Variants in GRIK2 observed in about 807,000 individuals in gnomAD.
The protein encoded by GRIK2 is glutamate ionotropic receptor kainate type subunit 2.
Under a neutral mutation model 100.3 loss-of-function variants are expected in GRIK2, and 32 were observed. That is an observed-to-expected ratio of 0.32 (90% CI 0.24 to 0.43). The LOEUF is 0.43. Among genes scored for constraint, GRIK2 ranks in the 20% least tolerant of loss-of-function variants. The pLI is 1.00. For synonymous variants in GRIK2, 417 were observed against 389.4 expected (o/e 1.07, Z -0.83); for missense variants, 843 against 1,114.9 (o/e 0.76, Z 3.47).
Position 101,909,284 on chromosome 6 carries a change from A to G in GRIK2, c.1749-15317A>G, listed in dbSNP as rs181271202. Among the ~76,000 whole-genome samples, 608 of 150,788 alleles carry G rather than the reference A, an allele frequency of 4.0e-3. 5 individuals carry two copies. Among genetic ancestry groups the G allele is most frequent in the Non-Finnish European group, 5.2e-3 (351 of 67,286 alleles). On this transcript the variant is annotated intron_variant, in intron 12 of 16. Transcript: ENST00000369134. ...GTTATAATGTCCTATAAATCTCTATAAATAGGAACAGGAAGGAATAATTTA... is the reference window on the plus strand; with the variant it reads ...GTTATAATGTCCTATAAATCTCTATGAATAGGAACAGGAAGGAATAATTTA...
chr6:101,775,630 G>T (rs1275373602), intron 7 of GRIK2, among the ~76,000 whole-genome samples: 1 of 151,068 alleles, frequency 6.6e-6, no homozygotes, highest in Admixed American at 6.6e-5. Flanking sequence ...CAAGACAGAG[G>T]CTGTACTCAC....
chr6:101,928,076 A>T (rs1232406957), intron 13 of GRIK2: 2 of 230,360 alleles, frequency 8.7e-6, no homozygotes, highest in African/African-American at 4.6e-5. Context: ...AAAACAATAA[A>T]TGTGGTTTAT....
intron 16 of GRIK2, among the ~76,000 whole-genome samples, chr6:102,067,529 ATATGACTC>A (rs1772077290): frequency 6.6e-6 from 1 of 151,786 alleles, no homozygotes; most frequent in African/African-American, 2.4e-5. Context: ...TGTTTCATAT[ATATGACTC>A]TACAATATAA....
intron 4 of GRIK2, among the ~76,000 whole-genome samples, chr6:101,645,997 T>C (rs1332494896): frequency 1.3e-5 from 2 of 151,940 alleles, no homozygotes; most frequent in African/African-American, 4.8e-5. Flanking sequence ...GACAACATTT[T>C]ATATTTCTGC....
intron 4 of GRIK2, 28 bp from the exon 5 acceptor site, chr6:101,676,595 C>CTT (rs2243351): frequency 2.7e-4 from 288 of 1,050,868 alleles, no homozygotes; most frequent in Non-Finnish European, 3.2e-4. Context: ...CTCTAATATT[C>CTT]TTTTTTTTTT....
chr6:101,505,788 A>AAG (rs898449494), intron 2 of GRIK2, among the ~76,000 whole-genome samples: 3 of 151,744 alleles, frequency 2.0e-5, no homozygotes, highest in African/African-American at 7.3e-5. Context: ...AAAAAAAAAA[A>AAG]AAAACTAGAA....
At chr6:101,909,603 A>T (rs1029726616) in intron 12 of GRIK2, among the ~76,000 whole-genome samples, 2 of 150,686 alleles carry the variant, frequency 1.3e-5, no homozygotes, top group African/African-American at 4.9e-5. Context: ...TTGGCTTTGG[A>T]TAAGTAAAGC....
At chr6:101,522,096 T>C (rs959758470) in intron 2 of GRIK2, among the ~76,000 whole-genome samples, 1 of 152,126 alleles carries the variant, frequency 6.6e-6, no homozygotes, top group Admixed American at 6.6e-5. Flanking sequence ...GTTATCAAAA[T>C]TTTAGGGCTA....
At chr6:101,617,565 A>G (rs940218184) in intron 2 of GRIK2, among the ~76,000 whole-genome samples, 1 of 151,820 alleles carries the variant, frequency 6.6e-6, no homozygotes, top group Non-Finnish European at 1.5e-5. Flanking sequence ...TTTCAGTGGT[A>G]GAAGATTCAG....
intron 2 of GRIK2, among the ~76,000 whole-genome samples, chr6:101,466,798 A>C (rs1010738338): frequency 5.3e-5 from 8 of 152,174 alleles, no homozygotes; most frequent in African/African-American, 1.9e-4. Context: ...TTTTAGCAGG[A>C]AACTCCTGCA....
chr6:101,712,945 A>G (rs1335319002), intron 7 of GRIK2, among the ~76,000 whole-genome samples: 3 of 151,846 alleles, frequency 2.0e-5, no homozygotes, highest in East Asian at 1.9e-4. Flanking sequence ...GGTTAGGCCT[A>G]TCTCCCTACC....
At chr6:101,568,032 A>G (rs777988635) in intron 2 of GRIK2, among the ~76,000 whole-genome samples, 2 of 151,974 alleles carry the variant, frequency 1.3e-5, no homozygotes, top group Non-Finnish European at 1.5e-5. Context: ...GATCTTATTA[A>G]CTTTGTAAAA....
At chr6:101,557,060 T>C in intron 2 of GRIK2, among the ~76,000 whole-genome samples, 1 of 152,182 alleles carries the variant, frequency 6.6e-6, no homozygotes, top group Admixed American at 6.5e-5. Context: ...TCTCTATATA[T>C]TTAACCCACA....
intron 2 of GRIK2, among the ~76,000 whole-genome samples, chr6:101,534,625 T>A (rs981355104): frequency 1.3e-5 from 2 of 151,824 alleles, no homozygotes; most frequent in Non-Finnish European, 2.9e-5. Context: ...AGGGCTATTT[T>A]TAACAAAGTT....
chr6:101,936,925 A>G (rs1272621808), intron 14 of GRIK2, among the ~76,000 whole-genome samples: 2 of 152,130 alleles, frequency 1.3e-5, no homozygotes, highest in African/African-American at 4.8e-5. Context: ...TGCCAGAGTG[A>G]ATTCAATGGT....
At chr6:101,743,190 T>A (rs945476594) in intron 7 of GRIK2, among the ~76,000 whole-genome samples, 7 of 152,174 alleles carry the variant, frequency 4.6e-5, no homozygotes, top group African/African-American at 1.7e-4. Context: ...CCAGCTTGCA[T>A]TGGACAAGAG....
intron 16 of GRIK2, chr6:102,064,198 CA>C (rs1056760913): frequency 4.2e-6 from 2 of 481,700 alleles, no homozygotes; most frequent in African/African-American, 4.1e-5. Context: ...ATTTTAAAAG[CA>C]AGATAGTTGT....
At chr6:101,996,705 G>T (rs1794668422) in intron 14 of GRIK2, among the ~76,000 whole-genome samples, 1 of 152,104 alleles carries the variant, frequency 6.6e-6, no homozygotes, top group Non-Finnish European at 1.5e-5. Context: ...CAAGAAGCAG[G>T]AAGTGAGGGA....
intron 14 of GRIK2, among the ~76,000 whole-genome samples, chr6:101,996,458 C>CA (rs369489400): frequency 6.6e-6 from 1 of 151,776 alleles, no homozygotes; most frequent in Non-Finnish European, 1.5e-5. Context: ...TACAGATAAC[C>CA]AAAAAAATGC....
Sources: gnomAD v4.1 joint callset for allele counts (sites outside exome capture counted in the v4.1 genomes callset) on GRCh38, gnomAD v4.1.1 for gene constraint, MANE v1.5 for transcripts, NCBI Gene and HGNC (gene_info 2026-07-23, HGNC 2026-07-21) for gene names.